The following TMEM98 variants were observed in gnomAD, a reference collection of about 807,000 sequenced individuals.
TMEM98 encodes transmembrane protein 98.
Under a neutral mutation model 25.0 loss-of-function variants are expected in TMEM98, and 18 were observed. The observed-to-expected ratio is 0.72, with a 90% confidence interval of 0.50 to 1.07. TMEM98 has a LOEUF of 1.07. Among genes scored for constraint, TMEM98 ranks in the 50% least tolerant of loss-of-function variants. The pLI is 0.00. For missense variants in TMEM98, 241 were observed against 289.0 expected (o/e 0.83, Z 1.20); for synonymous variants, 103 against 112.4 (o/e 0.92, Z 0.53).
chr17:32,936,714 C>T (rs1407693313), intron 6 of TMEM98, among the ~76,000 whole-genome samples: 1 of 152,198 alleles, frequency 6.6e-6, no homozygotes, highest in Admixed American at 6.5e-5. Flanking sequence ...CTGACCCTGT[C>T]CTAGACCCTG....
At position 32,943,186 on chromosome 17, in the gene TMEM98, A is replaced by G. The variant is rs2091539334; in HGVS notation, c.*2193A>G. 6.6e-6 allele frequency: 1 copy of G among 152,240 alleles called. No homozygotes were observed. The highest frequency in any genetic ancestry group is 2.4e-5 in the African/African-American group (1 of 41,444). The allele number at this position is 152,240 out of a possible 1,614,324, so 9.4% of individuals were successfully genotyped here. On this transcript the variant is annotated 3_prime_UTR_variant, in exon 8 of 8. Coordinates refer to ENST00000579849, the MANE Select transcript of TMEM98 (RefSeq NM_015544.3). Reference sequence around the variant, plus strand: ...CGAAGATATTGGAGGTGTCTGCTGGACTGTAGGATTTCTGATCCCACTGCT... The same window carrying G: ...CGAAGATATTGGAGGTGTCTGCTGGGCTGTAGGATTTCTGATCCCACTGCT...
intron 6 of TMEM98, 140 bp downstream of exon 6, chr17:32,936,587 A>C: frequency 1.4e-6 from 1 of 704,952 alleles, no homozygotes. Flanking sequence ...ACATTTACAG[A>C]GTGACCAGGA....
chr17:32,942,176 T>C lies in TMEM98; in HGVS notation c.*1183T>C, dbSNP rs1009791209. The C allele has an allele frequency of 2.0e-5, 3 of 152,242 alleles. No individual in the cohort carries two copies. Among genetic ancestry groups the C allele is most frequent in the Non-Finnish European group, 2.9e-5 (2 of 68,038 alleles). 9.4% of individuals were successfully genotyped at this position (152,242 alleles called of 1,614,324 possible). A position where few individuals can be genotyped will look rare whatever the true frequency, so the allele number is the denominator to read the frequency against. On this transcript the variant is annotated 3_prime_UTR_variant, in exon 8 of 8. Coordinates refer to ENST00000579849, the MANE Select transcript of TMEM98 (RefSeq NM_015544.3). ...GATGTGTTCCCCCTTTCTTCTGATA[T>C]TAATATCTGTTCATTTTGCAAACAT...
chr17:32,940,568 T>G (rs752002121), intron 7 of TMEM98, among the ~76,000 whole-genome samples: 4 of 152,174 alleles, frequency 2.6e-5, no homozygotes, highest in Non-Finnish European at 5.9e-5. Flanking sequence ...CAGGTACATC[T>G]CAGAAGGCTC....
At chr17:32,934,537 T>C (rs1255842053) in intron 5 of TMEM98, among the ~76,000 whole-genome samples, 2 of 152,236 alleles carry the variant, frequency 1.3e-5, no homozygotes, top group African/African-American at 2.4e-5. Flanking sequence ...TTATTTCATC[T>C]GGTCGTCTTA....
rs1334543478 is a variant in TMEM98 at position 32,942,744 on chromosome 17, T to A, written c.*1751T>A. 6.6e-6 allele frequency: 1 copy of A among 152,240 alleles called. No homozygotes were observed. Among genetic ancestry groups the A allele is most frequent in the African/African-American group, 2.4e-5 (1 of 41,466 alleles). The allele number at this position is 152,240 out of a possible 1,614,324, so 9.4% of individuals were successfully genotyped here. ...CTTAAAAACGTTAAGTGGTGAACTT[T>A]CCCGTCCTGTCAAGCTGTGAATGGG... On this transcript the variant is annotated 3_prime_UTR_variant, in exon 8 of 8. Coordinates refer to ENST00000579849, the MANE Select transcript of TMEM98 (RefSeq NM_015544.3).
At chr17:32,936,550 A>G (rs2091497672) in intron 6 of TMEM98, 103 bp downstream of exon 6, 2 of 905,662 alleles carry the variant, frequency 2.2e-6, no homozygotes. Context: ...AATGGTGCAC[A>G]GGCAACTTCA....
rs1394158795 is a variant in TMEM98 at position 32,941,316 on chromosome 17, C to T, written c.*323C>T. 5.1e-6 allele frequency: 1 copy of T among 196,756 alleles called. No individual in the cohort carries two copies. The highest frequency in any genetic ancestry group is 1.0e-5 in the Non-Finnish European group (1 of 96,350). 12.2% of individuals were successfully genotyped at this position (196,756 alleles called of 1,614,324 possible). On this transcript the variant is annotated 3_prime_UTR_variant, in exon 8 of 8. Transcript: ENST00000579849. ...AAAATTGAGCCACCGTCTAAGAAAT[C>T]AAGAGGTTTCACATTAAAATTAGAA...
At chr17:32,928,750 T>TCA (rs971404300) in intron 1 of TMEM98, among the ~76,000 whole-genome samples, 1 of 138,116 alleles carries the variant, frequency 7.2e-6, no homozygotes, top group Admixed American at 7.1e-5. Context: ...AACACTCAGG[T>TCA]CACACACACA....
Position 32,936,436 on chromosome 17 carries a change from G to C in TMEM98, c.402G>C (p.Arg134=), listed in dbSNP as rs371363816. ...GCGACATCATTGTGGTGGCCAAGCG[G>C]ATCAGCCCCAGGTGAGCAATTGGCG... ...SVSDIIVVAK[R]ISPRVDDVVK... The change falls in exon 6 of 8, where the codon CGG becomes CGC. Residue 134 remains arginine, a synonymous_variant. Transcript: ENST00000579849. 8 of 1,614,072 alleles carry C rather than the reference G, an allele frequency of 5.0e-6. No individual in the cohort carries two copies. In the African/African-American group the frequency reaches 8.0e-5, roughly 16 times the overall value.
rs757934122 is a variant in TMEM98 at position 32,933,043 on chromosome 17, C to T, written c.132-131C>T. 6.8e-5 allele frequency: 91 copies of T among 1,338,730 alleles called. 1 individual carries two copies. Among genetic ancestry groups the T allele is most frequent in the Admixed American group, 1.8e-4 (7 of 38,818 alleles). The allele number at this position is 1,338,730 out of a possible 1,614,324, so 82.9% of individuals were successfully genotyped here. ...GCCCCACTAGGCTTAGGTTTGGATCCGGGACAAGTGGTCTCTGCCCTAGCT... is the reference window on the plus strand; with the variant it reads ...GCCCCACTAGGCTTAGGTTTGGATCTGGGACAAGTGGTCTCTGCCCTAGCT... On this transcript the variant is annotated intron_variant, in intron 3 of 7. Transcript: ENST00000579849.
intron 3 of TMEM98, among the ~76,000 whole-genome samples, 155 bp downstream of exon 3, chr17:32,931,814 A>G (rs1567696644): frequency 6.6e-6 from 1 of 152,196 alleles, no homozygotes; most frequent in Admixed American, 6.5e-5. Context: ...TCAGAGTTTA[A>G]GAATGTTCCT....
At position 32,943,217 on chromosome 17, in the gene TMEM98, G is replaced by GT. The variant is rs572201932; in HGVS notation, c.*2233dup. ...GGATTTCTGATCCCACTGCTGTGTA[G>GT]TTTTTTTTTCTAGTGCTGGACAAGT... On this transcript the variant is annotated 3_prime_UTR_variant, in exon 8 of 8. Coordinates refer to ENST00000579849, the MANE Select transcript of TMEM98 (RefSeq NM_015544.3). The GT allele has an allele frequency of 4.6e-5, 7 of 151,954 alleles. No individual in the cohort carries two copies. Among genetic ancestry groups the GT allele is most frequent in the East Asian group, 1.9e-4 (1 of 5,198 alleles). 9.4% of individuals were successfully genotyped at this position (151,954 alleles called of 1,614,324 possible). A position where few individuals can be genotyped will look rare whatever the true frequency, so the allele number is the denominator to read the frequency against.
chr17:32,936,115 GA>G (rs1393316603), intron 5 of TMEM98, among the ~76,000 whole-genome samples: 1 of 152,098 alleles, frequency 6.6e-6, no homozygotes, highest in Non-Finnish European at 1.5e-5. Flanking sequence ...CCCTGCCCTT[GA>G]TCTGCGGCTC....
chr17:32,940,137 T>C (rs955921068), intron 7 of TMEM98, among the ~76,000 whole-genome samples: 4 of 152,226 alleles, frequency 2.6e-5, no homozygotes, highest in Non-Finnish European at 5.9e-5. Context: ...GCGCTTCAGC[T>C]TTGGTTTCTC....
rs901645706 is a variant in TMEM98 at position 32,943,446 on chromosome 17, C to T, written c.*2453C>T. ...TGGTTTCCCAGGCAACAGACACATT[C>T]CTAAGTGCCTAGTTCTCTAGCGTCT... is the stretch of plus-strand genomic sequence containing the variant. On this transcript the variant is annotated 3_prime_UTR_variant, in exon 8 of 8. Transcript: ENST00000579849. 6.6e-5 allele frequency: 10 copies of T among 152,034 alleles called. No individual in the cohort carries two copies. The East Asian group carries it at 1.9e-3, about 30-fold the overall frequency. The allele number at this position is 152,034 out of a possible 1,614,324, so 9.4% of individuals were successfully genotyped here.
At chr17:32,934,772 T>A (rs1477031113) in intron 5 of TMEM98, among the ~76,000 whole-genome samples, 3 of 152,252 alleles carry the variant, frequency 2.0e-5, no homozygotes, top group African/African-American at 4.8e-5. Flanking sequence ...TAGCCTTCTT[T>A]GGCTGTGACC....
In TMEM98 at chr17:32,944,063, A is replaced by T. The variant is rs1189447913; in HGVS notation, c.*3070A>T. 1 of 152,262 alleles carries T rather than the reference A, an allele frequency of 6.6e-6. No homozygotes were observed. Among genetic ancestry groups the T allele is most frequent in the Non-Finnish European group, 1.5e-5 (1 of 68,086 alleles). 9.4% of individuals were successfully genotyped at this position (152,262 alleles called of 1,614,324 possible). On this transcript the variant is annotated 3_prime_UTR_variant, in exon 8 of 8. Coordinates refer to ENST00000579849, the MANE Select transcript of TMEM98 (RefSeq NM_015544.3). ...CACATTCCTCCAGAGAAATTCCCCCAGCTTGTGAGATCTCCAAGAGGGAAC... is the reference window on the plus strand; with the variant it reads ...CACATTCCTCCAGAGAAATTCCCCCTGCTTGTGAGATCTCCAAGAGGGAAC...
At chr17:32,930,179 C>T (rs1391453411) in intron 1 of TMEM98, among the ~76,000 whole-genome samples, 2 of 151,972 alleles carry the variant, frequency 1.3e-5, no homozygotes, top group Non-Finnish European at 2.9e-5. Context: ...GGGGAGAATG[C>T]TTGCACAAAG....
Sources: gnomAD v4.1 joint callset for allele counts (sites outside exome capture counted in the v4.1 genomes callset) on GRCh38, gnomAD v4.1.1 for gene constraint, MANE v1.5 for transcripts, NCBI Gene and HGNC (gene_info 2026-07-23, HGNC 2026-07-21) for gene names.